Variants in ERC2 observed in about 807,000 individuals in gnomAD.
The protein encoded by ERC2 is ELKS/RAB6-interacting/CAST family member 2, also known as ERC protein 2.
In ERC2, 42 loss-of-function variants were observed where a neutral mutation model predicts 114.8. The observed-to-expected ratio is 0.37, with a 90% confidence interval of 0.29 to 0.47. The LOEUF (loss-of-function observed/expected upper bound fraction) is 0.47. ERC2 is among the 20% of genes least tolerant of loss of function. The pLI, the probability that ERC2 is intolerant of heterozygous loss-of-function variation, is 0.99. For missense variants in ERC2, 939 were observed against 1,150.7 expected (o/e 0.82, Z 2.66); for synonymous variants, 454 against 425.5 (o/e 1.07, Z -0.82).
intron 6 of ERC2, among the ~76,000 whole-genome samples, chr3:56,087,040 A>G (rs1225045794): frequency 6.6e-6 from 1 of 152,172 alleles, no homozygotes; most frequent in African/African-American, 2.4e-5. Context: ...ACTGTATGAT[A>G]TAGTCCATGC....
At chr3:56,033,792 T>C (rs1057083030) in intron 7 of ERC2, among the ~76,000 whole-genome samples, 13 of 152,160 alleles carry the variant, frequency 8.5e-5, no homozygotes, top group African/African-American at 3.1e-4. Flanking sequence ...CAAGATTTCT[T>C]TTTTTTTCTT....
At chr3:56,210,641 G>A (rs2049001016) in intron 3 of ERC2, among the ~76,000 whole-genome samples, 2 of 152,142 alleles carry the variant, frequency 1.3e-5, no homozygotes, top group South Asian at 2.1e-4. Flanking sequence ...AGAAATCTTG[G>A]ATAAACTGCT....
intron 2 of ERC2, among the ~76,000 whole-genome samples, chr3:56,314,368 T>C (rs1027997748): frequency 2.0e-5 from 3 of 152,122 alleles, no homozygotes; most frequent in Non-Finnish European, 4.4e-5. Flanking sequence ...AATACTTACT[T>C]ATGCCTGAAA....
rs781553256 is a variant in ERC2 at position 56,080,864 on chromosome 3, C to A, written c.1594G>T (p.Asp532Tyr). 6.2e-7 allele frequency: 1 copy of A among 1,613,764 alleles called. No individual in the cohort carries two copies. The highest frequency in any genetic ancestry group is 8.5e-7 in the Non-Finnish European group (1 of 1,179,762). ...TTTCTTTCCTTCACTTCTAACATAT[C>A]TTTCATGTCACGAATTTCACCGGCC... Reference protein sequence around the residue: ...TLAGEIRDMKDMLEVKERKIN... With the variant: ...TLAGEIRDMKYMLEVKERKIN... Residue 532 changes from aspartate (D) to tyrosine (Y), a missense_variant, in exon 7 of 18, where the codon GAT (aspartate) becomes TAT (tyrosine). Asp to Tyr is a radical substitution (Grantham distance 160). Around this residue, in one of 5 missense-constraint regions of ERC2, gnomAD observed 149 missense variants for 254.6 expected, o/e 0.59. Coordinates refer to ENST00000288221, the MANE Select transcript of ERC2 (RefSeq NM_015576.3).
chr3:56,313,705 A>G (rs1484582459), intron 2 of ERC2, among the ~76,000 whole-genome samples: 1 of 152,202 alleles, frequency 6.6e-6, no homozygotes, highest in Non-Finnish European at 1.5e-5. Context: ...AATTGAAAAT[A>G]CCCAGGATGG....
At chr3:55,593,437 G>A (rs1303420354) in intron 17 of ERC2, among the ~76,000 whole-genome samples, 2 of 152,178 alleles carry the variant, frequency 1.3e-5, no homozygotes, top group Non-Finnish European at 2.9e-5. Context: ...CCTTCATGGT[G>A]TCCCTTAGCA....
intron 7 of ERC2, among the ~76,000 whole-genome samples, chr3:56,078,595 A>G (rs1451174099): frequency 6.6e-6 from 1 of 152,120 alleles, no homozygotes; most frequent in East Asian, 1.9e-4. Flanking sequence ...TCATCTTTGC[A>G]TAGCTCGGTC....
At chr3:55,700,130 C>A (rs1317429973) in intron 15 of ERC2, among the ~76,000 whole-genome samples, 7 of 152,214 alleles carry the variant, frequency 4.6e-5, no homozygotes, top group African/African-American at 1.7e-4. Flanking sequence ...GGGAAAAGAA[C>A]TGACCACTCT....
At chr3:55,616,838 T>G (rs1313086088) in intron 17 of ERC2, among the ~76,000 whole-genome samples, 1 of 151,532 alleles carries the variant, frequency 6.6e-6, no homozygotes, top group African/African-American at 2.4e-5. Context: ...GCCCAGCAAA[T>G]TGAACCCTAG....
intron 4 of ERC2, among the ~76,000 whole-genome samples, chr3:56,170,183 A>G (rs1342377790): frequency 6.6e-6 from 1 of 152,230 alleles, no homozygotes; most frequent in African/African-American, 2.4e-5. Context: ...GCAAGAAGAT[A>G]AATCACAAAT....
chr3:55,884,560 C>T (rs2063277360), intron 14 of ERC2, among the ~76,000 whole-genome samples: 1 of 151,926 alleles, frequency 6.6e-6, no homozygotes, highest in African/African-American at 2.4e-5. Context: ...GGAACAAAAA[C>T]CAAGACAAAT....
chr3:56,003,174 G>A (rs1387386444), intron 10 of ERC2: 1 of 1,272,322 alleles, frequency 7.9e-7, no homozygotes, highest in East Asian at 5.7e-5. Context: ...GCACAGACAG[G>A]GAAAGAAGGA....
At chr3:55,593,539 A>G (rs1367087886) in intron 17 of ERC2, among the ~76,000 whole-genome samples, 1 of 152,206 alleles carries the variant, frequency 6.6e-6, no homozygotes, top group African/African-American at 2.4e-5. Context: ...TCTTCAAAAC[A>G]TCTCTCACTT....
intron 15 of ERC2, among the ~76,000 whole-genome samples, chr3:55,726,860 C>T (rs75274091): frequency 0.019 from 2,838 of 152,150 alleles, 88 homozygotes; most frequent in African/African-American, 0.065. Flanking sequence ...AAGCAATGCC[C>T]AGAACTGGTA....
At chr3:55,577,115 C>A (rs890632755) in intron 17 of ERC2, among the ~76,000 whole-genome samples, 3 of 152,234 alleles carry the variant, frequency 2.0e-5, no homozygotes, top group Middle Eastern at 3.2e-3. Flanking sequence ...TCTTTCACAA[C>A]TGATTTTTAA....
At chr3:55,511,958 C>T (rs750462401) in intron 17 of ERC2, among the ~76,000 whole-genome samples, 1 of 152,220 alleles carries the variant, frequency 6.6e-6, no homozygotes, top group Non-Finnish European at 1.5e-5. Flanking sequence ...CCTGCTGATG[C>T]TCAACTTTGT....
Position 56,296,255 on chromosome 3 carries a change from A to G in ERC2, c.838T>C (p.Leu280=), listed in dbSNP as rs1454459749. The G allele has an allele frequency of 6.2e-7, 1 of 1,613,892 alleles. No homozygotes were observed. Among genetic ancestry groups the G allele is most frequent in the Non-Finnish European group, 8.5e-7 (1 of 1,179,902 alleles). The change falls in exon 3 of 18, where the codon TTG becomes CTG. Residue 280 remains leucine (L), a synonymous_variant. Transcript: ENST00000288221. ...HDRQAKELFL[L]RKTLEEMELR... is the part of the protein sequence containing the mutation. ...TCCATTTCCTCTAATGTCTTCCTCA[A>G]AAGGAACAGCTCCTTAGCCTGCCTG...
intron 2 of ERC2, among the ~76,000 whole-genome samples, chr3:56,302,983 C>T (rs1265820131): frequency 1.3e-5 from 2 of 152,236 alleles, no homozygotes; most frequent in African/African-American, 4.8e-5. Context: ...GGCAAAACAG[C>T]TAATTCTCCT....
At chr3:56,013,798 G>T (rs1410871728) in intron 8 of ERC2, among the ~76,000 whole-genome samples, 1 of 152,068 alleles carries the variant, frequency 6.6e-6, no homozygotes, top group Non-Finnish European at 1.5e-5. Context: ...AAAATCAGAG[G>T]TTCCTGGGCT....
Sources: gnomAD v4.1 joint callset for allele counts (sites outside exome capture counted in the v4.1 genomes callset) on GRCh38, gnomAD v4.1.1 for gene constraint, gnomAD v4.1.1 regional missense constraint, MANE v1.5 for transcripts, NCBI Gene and HGNC (gene_info 2026-07-23, HGNC 2026-07-21) for gene names.